The following REL variants were observed in gnomAD, a reference collection of about 807,000 sequenced individuals.
The protein encoded by REL is REL proto-oncogene, NF-kB subunit.
In REL, 15 loss-of-function variants were observed where a neutral mutation model predicts 45.9. The ratio of observed to expected loss-of-function variants is 0.33; its 90% CI spans 0.22 to 0.50. The LOEUF (loss-of-function observed/expected upper bound fraction) is 0.50. Among genes scored for constraint, REL ranks in the 20% least tolerant of loss-of-function variants. The probability of loss-of-function intolerance (pLI) is 0.98; values close to 1 mark genes in which losing one functional copy is unlikely to be tolerated. For synonymous variants in REL, 239 were observed against 242.1 expected (o/e 0.99, Z 0.12); for missense variants, 601 against 715.2 (o/e 0.84, Z 1.82).
chr2:60,907,267 T>C, intron 4 of REL, among the ~76,000 whole-genome samples: 1 of 152,052 alleles, frequency 6.6e-6, no homozygotes. Context: ...TTTGATTACA[T>C]GTTTTTCCTA....
chr2:60,909,859 C>T (rs757144354), intron 4 of REL, among the ~76,000 whole-genome samples: 13 of 152,056 alleles, frequency 8.5e-5, no homozygotes, highest in South Asian at 2.1e-4. Flanking sequence ...GCTGAGATGG[C>T]GCCACTGCAC....
intron 3 of REL, among the ~76,000 whole-genome samples, chr2:60,898,575 G>A (rs1227942228): frequency 6.6e-6 from 1 of 152,156 alleles, no homozygotes; most frequent in Non-Finnish European, 1.5e-5. Context: ...GTGTATGTGT[G>A]ATTATTTAAT....
chr2:60,914,125 T>A (rs1673893013), intron 4 of REL, among the ~76,000 whole-genome samples: 1 of 152,222 alleles, frequency 6.6e-6, no homozygotes, highest in Non-Finnish European at 1.5e-5. Flanking sequence ...TTAAAACTTT[T>A]AAGGGCATAA....
chr2:60,885,864 A>C (rs1332012714), intron 1 of REL, among the ~76,000 whole-genome samples: 1 of 152,214 alleles, frequency 6.6e-6, no homozygotes, highest in African/African-American at 2.4e-5. Context: ...TGCAAGAGTT[A>C]AAATATTTGT....
chr2:60,921,659 A>G lies in REL; in HGVS notation c.992-104A>G, dbSNP rs1198648769. 6 of 999,792 alleles carry G rather than the reference A, an allele frequency of 6.0e-6. No individual in the cohort carries two copies. In the Admixed American group the frequency reaches 1.6e-4, roughly 27 times the overall value. 61.9% of individuals were successfully genotyped at this position (999,792 alleles called of 1,614,324 possible). ...GAAATGTTACATTGGTTTCCTTGAC[A>G]TTTTTCTTTATATATATTTGTGTGC... On this transcript the variant is annotated intron_variant, in intron 9 of 9. Transcript: ENST00000394479.
In REL at chr2:60,915,725, A is replaced by G. The variant is rs1673945466; in HGVS notation, c.395-1152A>G. The stretch of plus-strand genomic sequence containing the variant: ...CTTTTTAAAAATATGACTTATTGCT[A>G]TAGCTTATGGCATTTGAAAAGGCAA... On this transcript the variant is annotated intron_variant, in intron 4 of 9. Coordinates refer to ENST00000394479, the MANE Select transcript of REL (RefSeq NM_001291746.2). Among the ~76,000 whole-genome samples the G allele has an allele frequency of 2.0e-5, 3 of 152,224 alleles. No homozygotes were observed. The South Asian group carries it at 6.2e-4, about 31-fold the overall frequency.
intron 7 of REL, among the ~76,000 whole-genome samples, chr2:60,919,789 G>A (rs1573345742): frequency 6.6e-6 from 1 of 152,048 alleles, no homozygotes; most frequent in South Asian, 2.1e-4. Context: ...TCAAACTCCT[G>A]CGCTCAAGTG....
chr2:60,895,299 A>T (rs996072468), intron 3 of REL, among the ~76,000 whole-genome samples: 1 of 152,048 alleles, frequency 6.6e-6, no homozygotes, highest in Non-Finnish European at 1.5e-5. Context: ...CTTCAGCCTC[A>T]GCCTCCTGAG....
chr2:60,892,514 C>T (rs775649883), intron 2 of REL, among the ~76,000 whole-genome samples: 5 of 151,970 alleles, frequency 3.3e-5, no homozygotes, highest in African/African-American at 4.8e-5. Flanking sequence ...CTGCAACCTC[C>T]GCCTCCTGGG....
At chr2:60,904,103 A>T (rs1673571353) in intron 4 of REL, among the ~76,000 whole-genome samples, 2 of 152,178 alleles carry the variant, frequency 1.3e-5, no homozygotes, top group South Asian at 2.1e-4. Flanking sequence ...ACTCAATTTT[A>T]AAAATAAGAA....
intron 4 of REL, among the ~76,000 whole-genome samples, chr2:60,913,605 TTATTTTTTCCCTA>T: frequency 6.6e-6 from 1 of 152,196 alleles, no homozygotes; most frequent in Non-Finnish European, 1.5e-5. Flanking sequence ...CTCAACTCCT[TTATTTTTTCCCTA>T]TAGTTTATTG....
At chr2:60,899,529 A>G (rs10193964) in intron 3 of REL, 30,992 of 152,328 alleles carry the variant, frequency 0.2, 3,427 homozygotes, top group Middle Eastern at 0.37. Flanking sequence ...TTGGAGGCAG[A>G]GGAAGGAAAT....
At chr2:60,896,109 T>C (rs979210600) in intron 3 of REL, among the ~76,000 whole-genome samples, 3 of 152,056 alleles carry the variant, frequency 2.0e-5, no homozygotes, top group Non-Finnish European at 4.4e-5. Flanking sequence ...TTCAAGTGAT[T>C]CTCCTGCCTC....
intron 4 of REL, among the ~76,000 whole-genome samples, chr2:60,906,578 C>T (rs1673656321): frequency 6.6e-6 from 1 of 152,102 alleles, no homozygotes; most frequent in Non-Finnish European, 1.5e-5. Flanking sequence ...TGTACCTCAG[C>T]TTCCTACCCC....
intron 7 of REL, among the ~76,000 whole-genome samples, chr2:60,919,137 G>T (rs933196104): frequency 3.9e-5 from 6 of 152,220 alleles, no homozygotes; most frequent in African/African-American, 1.4e-4. Flanking sequence ...TTACCACTCA[G>T]AGAGTAGTCT....
chr2:60,922,736 A>G lies in REL; in HGVS notation c.*201A>G. The G allele has an allele frequency of 8.5e-7, 1 of 1,181,946 alleles. No individual in the cohort carries two copies. Among genetic ancestry groups the G allele is most frequent in the Non-Finnish European group, 1.0e-6 (1 of 954,446 alleles). The allele number at this position is 1,181,946 out of a possible 1,614,324, so 73.2% of individuals were successfully genotyped here. A position where few individuals can be genotyped will look rare whatever the true frequency, so the allele number is the denominator to read the frequency against. ...TTGGACATAGCGAATACAAAATTGG[A>G]AGCTGTCATAAAAAGACAACTCAGA... On this transcript the variant is annotated 3_prime_UTR_variant, in exon 10 of 10. Coordinates refer to ENST00000394479, the MANE Select transcript of REL (RefSeq NM_001291746.2).
At position 60,906,096 on chromosome 2, in the gene REL, G is replaced by C. The variant is rs142838288; in HGVS notation, c.394+5013G>C. Among the ~76,000 whole-genome samples the C allele has an allele frequency of 6.8e-3, 1,038 of 152,230 alleles. 17 individuals are homozygous for C. Among genetic ancestry groups the C allele is most frequent in the African/African-American group, 0.024 (981 of 41,514 alleles). ...GAGAAAATGAGGAAAATGCAAAAGCGGAAATCCCTGATAAAACCATCATAT... is the reference window on the plus strand; with the variant it reads ...GAGAAAATGAGGAAAATGCAAAAGCCGAAATCCCTGATAAAACCATCATAT... On this transcript the variant is annotated intron_variant, in intron 4 of 9. Coordinates refer to ENST00000394479, the MANE Select transcript of REL (RefSeq NM_001291746.2).
In REL at chr2:60,924,760, G is replaced by C. The variant is rs1185296867; in HGVS notation, c.*2225G>C. The C allele has an allele frequency of 4.8e-6, 1 of 208,290 alleles. No individual in the cohort carries two copies. Among genetic ancestry groups the C allele is most frequent in the East Asian group, 7.2e-5 (1 of 13,816 alleles). 12.9% of individuals were successfully genotyped at this position (208,290 alleles called of 1,614,324 possible). Reference sequence around the variant, plus strand: ...TTCAAAGTGCAAGATTTTTAAAAGAGACTTGTCACATATTCATTTGGCTGG... The same window carrying C: ...TTCAAAGTGCAAGATTTTTAAAAGACACTTGTCACATATTCATTTGGCTGG... On this transcript the variant is annotated 3_prime_UTR_variant, in exon 10 of 10. Coordinates refer to ENST00000394479, the MANE Select transcript of REL (RefSeq NM_001291746.2).
intron 7 of REL, 44 bp downstream of exon 7, chr2:60,918,650 G>T: frequency 7.7e-7 from 1 of 1,299,558 alleles, no homozygotes; most frequent in East Asian, 2.3e-5. Flanking sequence ...TCTTGAAGTG[G>T]TCCTGCTAAT....
Sources: gnomAD v4.1 joint callset for allele counts (sites outside exome capture counted in the v4.1 genomes callset) on GRCh38, gnomAD v4.1.1 for gene constraint, MANE v1.5 for transcripts, NCBI Gene and HGNC (gene_info 2026-07-23, HGNC 2026-07-21) for gene names.